Variants in STPG2 observed in about 807,000 individuals in gnomAD.
STPG2 encodes sperm-tail PG-rich repeat-containing protein 2.
In STPG2, 56 loss-of-function variants were observed where a neutral mutation model predicts 54.2. The observed-to-expected ratio is 1.03, with a 90% CI of 0.83 to 1.29. The LOEUF (loss-of-function observed/expected upper bound fraction) is 1.29. Among genes scored for constraint, STPG2 ranks in the 50% most tolerant of loss-of-function variants. STPG2 has a pLI of 0.00. For missense variants in STPG2, 596 were observed against 544.9 expected, an observed-to-expected ratio of 1.09 and a Z score of -0.93; for synonymous variants, 200 against 181.8, an observed-to-expected ratio of 1.10 and a Z score of -0.81.
At chr4:97,559,589 T>C (rs1213072251) in intron 10 of STPG2, among the ~76,000 whole-genome samples, 1 of 152,226 alleles carries the variant, frequency 6.6e-6, no homozygotes, top group Admixed American at 6.5e-5. Flanking sequence ...CAGCTTCAAT[T>C]AATTTCCAGG....
chr4:97,586,598 T>C (rs560918139), intron 10 of STPG2, among the ~76,000 whole-genome samples: 1 of 152,060 alleles, frequency 6.6e-6, no homozygotes, highest in East Asian at 1.9e-4. Flanking sequence ...ATCTTATTTA[T>C]GGGGAAACAC....
At chr4:97,840,291 GT>G (rs532038450) in intron 9 of STPG2, among the ~76,000 whole-genome samples, 1 of 151,174 alleles carries the variant, frequency 6.6e-6, no homozygotes, top group Non-Finnish European at 1.5e-5. Flanking sequence ...TATGAGTTCT[GT>G]TTTTTTCCCT....
intron 4 of STPG2, among the ~76,000 whole-genome samples, chr4:97,550,490 G>A (rs1313830492): frequency 6.6e-6 from 1 of 152,076 alleles, no homozygotes; most frequent in African/African-American, 2.4e-5. Context: ...ATACGGAATA[G>A]CCTAGTTTAG....
chr4:97,497,827 T>C (rs1285292449), intron 4 of STPG2, among the ~76,000 whole-genome samples: 1 of 151,950 alleles, frequency 6.6e-6, no homozygotes, highest in Non-Finnish European at 1.5e-5. Flanking sequence ...TCATCCTTTT[T>C]GTATCTACAT....
chr4:97,818,748 A>G lies in STPG2; in HGVS notation c.1204+22025T>C, dbSNP rs562734122. Among the ~76,000 whole-genome samples, 208 of 151,856 alleles carry G rather than the reference A, an allele frequency of 1.4e-3. 1 individual carries two copies. Among genetic ancestry groups the G allele is most frequent in the African/African-American group, 4.7e-3 (193 of 41,480 alleles). ...ACCCTGCATATTCAATCTCTCCTCA[A>G]ATGAAGCTTTTCCCAGTCTTCAGTT... On this transcript the variant is annotated intron_variant, in intron 9 of 10. Coordinates refer to ENST00000295268, the MANE Select transcript of STPG2 (RefSeq NM_174952.3).
intron 3 of STPG2, among the ~76,000 whole-genome samples, chr4:98,121,568 C>G (rs1739679859): frequency 6.6e-6 from 1 of 152,140 alleles, no homozygotes; most frequent in African/African-American, 2.4e-5. Context: ...CTTCCTTGAG[C>G]AGAGGTTTGT....
chr4:97,703,620 T>C (rs1723850002), intron 10 of STPG2, among the ~76,000 whole-genome samples: 1 of 140,020 alleles, frequency 7.1e-6, no homozygotes, highest in South Asian at 2.1e-4. Flanking sequence ...GTATATATAC[T>C]ATATATATTA....
At chr4:97,517,018 C>T (rs1731089281) in intron 4 of STPG2, among the ~76,000 whole-genome samples, 1 of 151,798 alleles carries the variant, frequency 6.6e-6, no homozygotes, top group African/African-American at 2.4e-5. Flanking sequence ...AGTGATTTTC[C>T]TGCCTCAGCC....
chr4:97,883,620 C>A (rs1458094359), intron 8 of STPG2, among the ~76,000 whole-genome samples: 1 of 151,960 alleles, frequency 6.6e-6, no homozygotes, highest in Admixed American at 6.6e-5. Flanking sequence ...ATAAAGAATG[C>A]ACCCTATTAA....
chr4:97,697,255 T>C (rs1723607325), intron 10 of STPG2, among the ~76,000 whole-genome samples: 1 of 152,214 alleles, frequency 6.6e-6, no homozygotes, highest in Non-Finnish European at 1.5e-5. Context: ...TATTAATGGC[T>C]CTTAATAAGA....
At chr4:97,826,069 G>A (rs1022724117) in intron 9 of STPG2, among the ~76,000 whole-genome samples, 21 of 152,092 alleles carry the variant, frequency 1.4e-4, no homozygotes, top group South Asian at 6.2e-4. Context: ...CTAGCTATGC[G>A]GGGAAGAGTC....
intron 9 of STPG2, among the ~76,000 whole-genome samples, chr4:97,744,714 T>C (rs539365979): frequency 5.9e-5 from 9 of 151,390 alleles, no homozygotes; most frequent in African/African-American, 2.2e-4. Context: ...TAACTAATAA[T>C]AAAATACAAC....
Position 97,991,660 on chromosome 4 carries a change from GT to G in STPG2, c.613-10343del, listed in dbSNP as rs553240002. Among the ~76,000 whole-genome samples, 649 of 152,028 alleles carry G rather than the reference GT, an allele frequency of 4.3e-3. 2 individuals carry two copies. The highest frequency in any genetic ancestry group is 0.02 in the Middle Eastern group (6 of 294). ...GGATCAAATGGTAGATCTACTTTTA[GT>G]TTTTTAAGGACTTTCCACACTGTTT... On this transcript the variant is annotated intron_variant, in intron 5 of 10. Coordinates refer to ENST00000295268, the MANE Select transcript of STPG2 (RefSeq NM_174952.3).
At chr4:97,618,385 C>T (rs187422654) in intron 10 of STPG2, among the ~76,000 whole-genome samples, 179 of 151,950 alleles carry the variant, frequency 1.2e-3, no homozygotes, top group African/African-American at 3.9e-3. Context: ...TAGGAAATTC[C>T]AACTTCCCAA....
chr4:97,454,624 G>A (rs570431137), intron 4 of STPG2, among the ~76,000 whole-genome samples: 39 of 140,536 alleles, frequency 2.8e-4, no homozygotes, highest in Non-Finnish European at 4.5e-4. Context: ...TAAATATATA[G>A]CATATCTTCA....
chr4:97,795,477 G>A lies in STPG2; in HGVS notation c.1204+45296C>T, dbSNP rs142915086. On this transcript the variant is annotated intron_variant, in intron 9 of 10. Coordinates refer to ENST00000295268, the MANE Select transcript of STPG2 (RefSeq NM_174952.3). ...TTTTTTGTCCTTGTGATAGTTTGCT[G>A]AGAATGATGGTTTCCAGCTTCATCC... Among the ~76,000 whole-genome samples the A allele has an allele frequency of 4.3e-3, 649 of 152,268 alleles. 5 individuals carry two copies. Among genetic ancestry groups the A allele is most frequent in the African/African-American group, 0.015 (620 of 41,530 alleles).
Position 98,128,740 on chromosome 4 carries a change from T to G in STPG2, c.223-148A>C, listed in dbSNP as rs183358953. The G allele has an allele frequency of 4.1e-5, 27 of 651,848 alleles. No individual in the cohort carries two copies. The South Asian group carries it at 5.8e-4, about 14-fold the overall frequency. 40.4% of individuals were successfully genotyped at this position (651,848 alleles called of 1,614,324 possible). ...AACAAAAATGTTTGTTTTGTTATTG[T>G]TTTTTTTGAGATAGGGTCTCACTCT... On this transcript the variant is annotated intron_variant, in intron 2 of 10. Transcript: ENST00000295268.
In STPG2 at chr4:97,652,726, T is replaced by C. The variant is rs148314599; in HGVS notation, c.1320+59973A>G. ...AGAAATTCTTCTATCATTAACACCTTAATGAATGGTATAGACAATAAGTGA... is the reference window on the plus strand; with the variant it reads ...AGAAATTCTTCTATCATTAACACCTCAATGAATGGTATAGACAATAAGTGA... On this transcript the variant is annotated intron_variant, in intron 10 of 10. Coordinates refer to ENST00000295268, the MANE Select transcript of STPG2 (RefSeq NM_174952.3). 4.1e-4 allele frequency among the ~76,000 whole-genome samples: 63 copies of C among 152,058 alleles called. No individual in the cohort carries two copies. In the East Asian group the frequency reaches 0.011, roughly 27 times the overall value.
intron 4 of STPG2, among the ~76,000 whole-genome samples, chr4:97,459,950 C>T (rs1729621567): frequency 6.6e-6 from 1 of 152,122 alleles, no homozygotes; most frequent in Non-Finnish European, 1.5e-5. Context: ...ATATTTCACT[C>T]TTTCAAATAA....
Sources: gnomAD v4.1 joint callset for allele counts (sites outside exome capture counted in the v4.1 genomes callset) on GRCh38, gnomAD v4.1.1 for gene constraint, MANE v1.5 for transcripts, NCBI Gene and HGNC (gene_info 2026-07-23, HGNC 2026-07-21) for gene names.